MERTK: variants seen among roughly 807,000 people sequenced by gnomAD.
The protein encoded by MERTK is tyrosine-protein kinase Mer.
Under a neutral mutation model 99.3 loss-of-function variants are expected in MERTK, and 69 were observed. The observed-to-expected ratio is 0.70, with a 90% CI of 0.57 to 0.85. The LOEUF is 0.85. Ranked by LOEUF, MERTK falls within the 40% of genes least tolerant of loss-of-function variation. The pLI is 0.00. For missense variants in MERTK, 1,125 were observed against 1,249.4 expected (o/e 0.90, Z 1.50); for synonymous variants, 426 against 467.6 (o/e 0.91, Z 1.15).
chr2:111,925,293 T>TATATATATATATATATATATA lies in MERTK; in HGVS notation c.62-3827_62-3826insATATATATATATATATATATA, dbSNP rs1553446655. On this transcript the variant is annotated intron_variant, in intron 1 of 18. Transcript: ENST00000295408. The stretch of plus-strand genomic sequence containing the variant: ...CAGATCAGATATATATATATATATA[T>TATATATATATATATATATATA]TTTTTTTTTTTTTTTTTTTTTTTTT... Among the ~76,000 whole-genome samples the TATATATATATATATATATATA allele has an allele frequency of 3.3e-3, 99 of 29,590 alleles. 1 individual carries two copies. The highest frequency in any genetic ancestry group is 4.0e-3 in the Non-Finnish European group (64 of 16,046). The allele number at this position is 29,590 out of a possible 152,430, so 19.4% of individuals were successfully genotyped here.
intron 1 of MERTK, among the ~76,000 whole-genome samples, chr2:111,914,814 A>T (rs1259836960): frequency 6.6e-6 from 1 of 151,796 alleles, no homozygotes; most frequent in Non-Finnish European, 1.5e-5. Context: ...TTTGTTAATA[A>T]TTTTTTTGTG....
At chr2:111,970,156 CTT>C (rs1010322833) in intron 6 of MERTK, among the ~76,000 whole-genome samples, 4 of 141,596 alleles carry the variant, frequency 2.8e-5, no homozygotes, top group Admixed American at 7.1e-5. Context: ...ATATAGTTTA[CTT>C]TTTTTTTTTT....
At chr2:111,901,325 G>A (rs1044549199) in intron 1 of MERTK, among the ~76,000 whole-genome samples, 10 of 152,128 alleles carry the variant, frequency 6.6e-5, no homozygotes, top group African/African-American at 2.4e-4. Flanking sequence ...AGGCTTTTAA[G>A]ATTCTTTAAT....
At chr2:111,975,267 C>T in intron 6 of MERTK, 22 bp from the exon 7 acceptor site, 1 of 1,613,796 alleles carries the variant, frequency 6.2e-7, no homozygotes. Flanking sequence ...ATGCCCGGTC[C>T]TCATGTTTAC....
At chr2:111,939,654 ATTTTTTTTTT>A (rs1184269274) in intron 2 of MERTK, among the ~76,000 whole-genome samples, 15 of 88,248 alleles carry the variant, frequency 1.7e-4, no homozygotes, top group South Asian at 4.1e-4. Flanking sequence ...CTAATTTTTA[ATTTTTTTTTT>A]TTTTTTTTTT....
At chr2:112,023,598 C>T (rs945178517) in intron 18 of MERTK, among the ~76,000 whole-genome samples, 4 of 152,080 alleles carry the variant, frequency 2.6e-5, no homozygotes, top group Non-Finnish European at 4.4e-5. Context: ...ATAGGCCACG[C>T]TCTGCTTCCT....
intron 6 of MERTK, among the ~76,000 whole-genome samples, chr2:111,968,562 C>G (rs1310380009): frequency 6.6e-6 from 1 of 151,320 alleles, no homozygotes; most frequent in Non-Finnish European, 1.5e-5. Flanking sequence ...CTCTTGTTGC[C>G]CAGGCTGGAT....
chr2:111,998,489 G>A (rs939348448), intron 10 of MERTK, among the ~76,000 whole-genome samples: 3 of 152,182 alleles, frequency 2.0e-5, no homozygotes, highest in Non-Finnish European at 2.9e-5. Context: ...GGGGTTCACA[G>A]TTCATGGGGA....
chr2:111,991,563 TA>T (rs200607040), intron 8 of MERTK, among the ~76,000 whole-genome samples: 37 of 150,520 alleles, frequency 2.5e-4, no homozygotes, highest in African/African-American at 6.8e-4. Flanking sequence ...ACCAGAATAT[TA>T]AAAAAAAAGG....
intron 4 of MERTK, among the ~76,000 whole-genome samples, chr2:111,953,536 G>A (rs768346830): frequency 6.6e-6 from 1 of 151,850 alleles, no homozygotes; most frequent in Non-Finnish European, 1.5e-5. Flanking sequence ...CTTCTCTCTC[G>A]CCCATCCAAC....
In MERTK at chr2:112,020,344, A is replaced by G. The variant is rs185366718; in HGVS notation, c.2189+822A>G. Reference sequence around the variant, plus strand: ...CTTACTGTTTCCTTCATGTTTTCCCAGCAGGTAGGGTGACCAGCTTTGCAG... The same window carrying G: ...CTTACTGTTTCCTTCATGTTTTCCCGGCAGGTAGGGTGACCAGCTTTGCAG... On this transcript the variant is annotated intron_variant, in intron 16 of 18. Transcript: ENST00000295408. Among the ~76,000 whole-genome samples, 63 of 152,262 alleles carry G rather than the reference A, an allele frequency of 4.1e-4. 1 individual carries two copies. In the East Asian group the frequency reaches 7.2e-3, roughly 17 times the overall value.
At chr2:112,022,686 C>A (rs1014722919) in intron 18 of MERTK, 2 of 617,758 alleles carry the variant, frequency 3.2e-6, no homozygotes, top group Non-Finnish European at 3.0e-6. Flanking sequence ...AAATTCCTTA[C>A]ACACCTCTAG....
Position 111,940,592 on chromosome 2 carries a change from AATC to A in MERTK, c.483-4362_483-4360del, listed in dbSNP as rs1331073832. ...TGAATTGCCTTAAGCATTACCAGGC[AATC>A]ATCATGACATTGAACCTGAAGCAGG... On this transcript the variant is annotated intron_variant, in intron 2 of 18. Coordinates refer to ENST00000295408, the MANE Select transcript of MERTK (RefSeq NM_006343.3). The A allele has an allele frequency of 4.6e-6, 3 of 649,178 alleles. No individual in the cohort carries two copies. In the African/African-American group the frequency reaches 5.4e-5, roughly 12 times the overall value. 40.2% of individuals were successfully genotyped at this position (649,178 alleles called of 1,614,324 possible). A position where few individuals can be genotyped will look rare whatever the true frequency, so the allele number is the denominator to read the frequency against.
At chr2:111,956,253 A>G (rs1176949833) in intron 4 of MERTK, among the ~76,000 whole-genome samples, 1 of 152,158 alleles carries the variant, frequency 6.6e-6, no homozygotes, top group Non-Finnish European at 1.5e-5. Context: ...TACATAAAAC[A>G]TTTATGAGGT....
chr2:111,945,090 A>G (rs1009214677), intron 3 of MERTK, 30 bp downstream of exon 3: 1 of 1,546,020 alleles, frequency 6.5e-7, no homozygotes, highest in African/African-American at 1.4e-5. Context: ...TCCCATTGCC[A>G]GAGAACTGTT....
intron 18 of MERTK, among the ~76,000 whole-genome samples, chr2:112,026,835 A>G (rs1677473387): frequency 6.6e-6 from 1 of 152,246 alleles, no homozygotes; most frequent in Admixed American, 6.5e-5. Flanking sequence ...AGAATTAGCC[A>G]AAAGTTCTAT....
rs184801329 is a variant in MERTK, at chr2:112,027,432, C to G, written c.2487-919C>G. Reference sequence around the variant, plus strand: ...CATTTTTAATGAAATGATGGTATAACTCACTCTTCATCTCAGCCTATTGAT... The same window carrying G: ...CATTTTTAATGAAATGATGGTATAAGTCACTCTTCATCTCAGCCTATTGAT... On this transcript the variant is annotated intron_variant, in intron 18 of 18. Coordinates refer to ENST00000295408, the MANE Select transcript of MERTK (RefSeq NM_006343.3). Among the ~76,000 whole-genome samples the G allele has an allele frequency of 3.0e-4, 46 of 152,132 alleles. No individual in the cohort carries two copies. In the Middle Eastern group the frequency reaches 0.01, roughly 34 times the overall value.
chr2:112,021,686 C>T (rs1677353906), intron 17 of MERTK, 105 bp downstream of exon 17: 1 of 1,095,198 alleles, frequency 9.1e-7, no homozygotes, highest in Non-Finnish European at 1.4e-6. Context: ...CTTTGATAAA[C>T]TGAGGGTTGG....
chr2:111,935,021 T>C (rs911405157), intron 2 of MERTK, among the ~76,000 whole-genome samples: 1 of 152,180 alleles, frequency 6.6e-6, no homozygotes. Flanking sequence ...CCTGCTGTTA[T>C]ATAGCTCTCT....
Sources: allele counts gnomAD v4.1 joint callset (sites outside exome capture counted in the v4.1 genomes callset), GRCh38; gene constraint gnomAD v4.1.1; transcripts MANE v1.5; gene names NCBI Gene and HGNC (gene_info 2026-07-23, HGNC 2026-07-21).